Variants in NT5C2 observed in about 807,000 individuals in gnomAD.
NT5C2 encodes cytosolic purine 5'-nucleotidase.
NT5C2 carries 58 observed loss-of-function variants against 76.1 expected under a neutral mutation model. The ratio of observed to expected loss-of-function variants is 0.76; its 90% CI spans 0.62 to 0.95. The LOEUF (loss-of-function observed/expected upper bound fraction) is 0.95, where lower values mean the gene tolerates loss of function less well. NT5C2 is among the 40% of genes least tolerant of loss of function. The probability of loss-of-function intolerance (pLI) is 0.00; values close to 1 mark genes in which losing one functional copy is unlikely to be tolerated. For synonymous variants in NT5C2, 229 were observed against 237.4 expected (o/e 0.96, Z 0.32); for missense variants, 478 against 690.3 (o/e 0.69, Z 3.45).
Position 103,149,340 on chromosome 10 carries a change from C to T in NT5C2, c.102-9861G>A, listed in dbSNP as rs541776484. On this transcript the variant is annotated intron_variant, in intron 3 of 18. Transcript: ENST00000404739. ...TTTCCAGCAAAGATTTTAAAGCACA[C>T]TTTAAGGAGATTCATCAAAAATATT... 3.9e-5 allele frequency among the ~76,000 whole-genome samples: 6 copies of T among 152,248 alleles called. No individual in the cohort carries two copies. The South Asian group carries it at 1.2e-3, about 32-fold the overall frequency.
At chr10:103,115,816 T>C (rs2074206153) in intron 4 of NT5C2, among the ~76,000 whole-genome samples, 1 of 152,088 alleles carries the variant, frequency 6.6e-6, no homozygotes, top group Admixed American at 6.5e-5. Flanking sequence ...ACCTAAAATA[T>C]GCCATATATT....
chr10:103,110,576 C>T (rs1175243840), intron 4 of NT5C2, among the ~76,000 whole-genome samples: 2 of 152,120 alleles, frequency 1.3e-5, no homozygotes, highest in Non-Finnish European at 2.9e-5. Flanking sequence ...ATACACTTCT[C>T]CCTCCAATTT....
rs376084184 is a variant in NT5C2, at chr10:103,089,738, G to A, written c.1620C>T (p.Ala540=). 3.1e-6 allele frequency: 5 copies of A among 1,613,654 alleles called. No individual in the cohort carries two copies. Among genetic ancestry groups the A allele is most frequent in the Non-Finnish European group, 4.2e-6 (5 of 1,179,870 alleles). Residue 540 remains alanine (A), a synonymous_variant, in exon 19 of 19, where the codon GCC becomes GCT. Transcript: ENST00000404739. The part of the protein sequence containing the change: ...EIKPPNLFPL[A]PQEITHCHDE... ...CATGGCAGTGTGTAATTTCCTGGGG[G>A]GCCAGTGGGAAGAGGTTGGGAGGTT...
At chr10:103,094,739 G>T (rs1021007480) in intron 12 of NT5C2, among the ~76,000 whole-genome samples, 1 of 151,936 alleles carries the variant, frequency 6.6e-6, no homozygotes, top group Non-Finnish European at 1.5e-5. Flanking sequence ...AAAATTAGCC[G>T]GGCGTGGTGG....
At chr10:103,167,955 G>A (rs1286712373) in intron 3 of NT5C2, among the ~76,000 whole-genome samples, 3 of 152,008 alleles carry the variant, frequency 2.0e-5, no homozygotes, top group East Asian at 1.9e-4. Flanking sequence ...TTTCTAGATC[G>A]AAGCCATAAG....
chr10:103,176,813 A>G lies in NT5C2; in HGVS notation c.-24-1831T>C, dbSNP rs542318588. Among the ~76,000 whole-genome samples the G allele has an allele frequency of 3.3e-5, 5 of 152,282 alleles. No individual in the cohort carries two copies. The East Asian group carries it at 9.7e-4, about 29-fold the overall frequency. On this transcript the variant is annotated intron_variant, in intron 2 of 18. Coordinates refer to ENST00000404739, the MANE Select transcript of NT5C2 (RefSeq NM_001351169.2). ...GGGAGCCACCCGCCGGCCTCCATCTAGGTTTTCATAAATATCTTACTCATG... is the reference window on the plus strand; with the variant it reads ...GGGAGCCACCCGCCGGCCTCCATCTGGGTTTTCATAAATATCTTACTCATG...
At chr10:103,188,949 T>A (rs867581712) in intron 1 of NT5C2, among the ~76,000 whole-genome samples, 29 of 150,984 alleles carry the variant, frequency 1.9e-4, no homozygotes, top group African/African-American at 6.8e-4. Flanking sequence ...GAGGTAGAGG[T>A]TGCAGTGAGC....
At chr10:103,100,088 T>G in intron 8 of NT5C2, 69 bp from the exon 9 acceptor site, 1 of 1,036,684 alleles carries the variant, frequency 9.6e-7, no homozygotes, top group Non-Finnish European at 1.5e-6. Flanking sequence ...ATCAAAAATT[T>G]CCCAGGGGAC....
intron 1 of NT5C2, among the ~76,000 whole-genome samples, chr10:103,183,448 T>C (rs2091561161): frequency 6.8e-6 from 1 of 146,594 alleles, no homozygotes; most frequent in Non-Finnish European, 1.5e-5. Flanking sequence ...TCCCTCTCAA[T>C]ATTGCCTCTG....
intron 1 of NT5C2, among the ~76,000 whole-genome samples, chr10:103,189,499 G>A (rs928972074): frequency 4.0e-5 from 6 of 150,902 alleles, no homozygotes; most frequent in Non-Finnish European, 5.9e-5. Flanking sequence ...CTAGCTACTC[G>A]GTAGGCTGAG....
chr10:103,101,725 C>T (rs545951409), intron 6 of NT5C2, among the ~76,000 whole-genome samples: 3 of 151,960 alleles, frequency 2.0e-5, no homozygotes, highest in Non-Finnish European at 4.4e-5. Context: ...TAAAAAATCA[C>T]AACTACTACA....
At chr10:103,115,791 A>T (rs1166996004) in intron 4 of NT5C2, among the ~76,000 whole-genome samples, 1 of 152,154 alleles carries the variant, frequency 6.6e-6, no homozygotes, top group East Asian at 1.9e-4. Flanking sequence ...GTTGTCTAAG[A>T]AGTAAATAAT....
chr10:103,146,846 A>C (rs1023762374), intron 3 of NT5C2, among the ~76,000 whole-genome samples: 13 of 152,236 alleles, frequency 8.5e-5, no homozygotes, highest in Non-Finnish European at 1.5e-4. Flanking sequence ...CTGCCCTCGC[A>C]CTAATGCCAA....
intron 10 of NT5C2, chr10:103,098,049 A>G (rs758970687): frequency 1.9e-6 from 1 of 529,652 alleles, no homozygotes. Context: ...AATCTTTACC[A>G]CAGTACTTTG....
At chr10:103,095,356 T>C (rs1019571655) in intron 12 of NT5C2, among the ~76,000 whole-genome samples, 7 of 152,180 alleles carry the variant, frequency 4.6e-5, no homozygotes, top group African/African-American at 1.7e-4. Flanking sequence ...TCAGGTGTTC[T>C]CAAAACAGGG....
At chr10:103,189,588 G>A (rs575553985) in intron 1 of NT5C2, among the ~76,000 whole-genome samples, 1 of 146,596 alleles carries the variant, frequency 6.8e-6, no homozygotes, top group South Asian at 2.2e-4. Flanking sequence ...CCTGGCGACA[G>A]AGCGAGACTC....
chr10:103,114,264 A>G (rs1309180981), intron 4 of NT5C2, among the ~76,000 whole-genome samples: 1 of 152,002 alleles, frequency 6.6e-6, no homozygotes, highest in Non-Finnish European at 1.5e-5. Flanking sequence ...AAATACAACA[A>G]CAAAAAAAAT....
At chr10:103,141,918 G>A (rs1176141401) in intron 3 of NT5C2, among the ~76,000 whole-genome samples, 1 of 152,152 alleles carries the variant, frequency 6.6e-6, no homozygotes, top group Non-Finnish European at 1.5e-5. Flanking sequence ...AAATAACATG[G>A]AGGAGAGAGT....
At chr10:103,102,143 T>C (rs1590804737) in intron 6 of NT5C2, among the ~76,000 whole-genome samples, 2 of 152,338 alleles carry the variant, frequency 1.3e-5, no homozygotes, top group East Asian at 3.9e-4. Context: ...AAATTCTTCC[T>C]GTCTCTTTGT....
Sources: gnomAD v4.1 joint callset for allele counts (sites outside exome capture counted in the v4.1 genomes callset) on GRCh38, gnomAD v4.1.1 for gene constraint, MANE v1.5 for transcripts, NCBI Gene and HGNC (gene_info 2026-07-23, HGNC 2026-07-21) for gene names.